PAPSS1: variants seen among roughly 807,000 people sequenced by gnomAD.
PAPSS1 encodes the protein bifunctional 3'-phosphoadenosine 5'-phosphosulfate synthase 1.
Under a neutral mutation model 72.0 loss-of-function variants are expected in PAPSS1, and 50 were observed. That is an observed-to-expected ratio of 0.69 (90% CI 0.55 to 0.88). The LOEUF (loss-of-function observed/expected upper bound fraction) is 0.88. PAPSS1 is among the 40% of genes least tolerant of loss of function. The pLI, the probability that PAPSS1 is intolerant of heterozygous loss-of-function variation, is 0.00. For synonymous variants in PAPSS1, 261 were observed against 263.6 expected (o/e 0.99, Z 0.09); for missense variants, 657 against 782.2 (o/e 0.84, Z 1.91).
intron 10 of PAPSS1, among the ~76,000 whole-genome samples, chr4:107,634,012 T>C (rs1342838070): frequency 1.3e-5 from 2 of 151,992 alleles, no homozygotes; most frequent in South Asian, 2.1e-4. Context: ...ATGTTGTTCA[T>C]TAAATAGTCT....
chr4:107,653,216 G>A (rs1221908920), intron 9 of PAPSS1, among the ~76,000 whole-genome samples: 3 of 151,820 alleles, frequency 2.0e-5, no homozygotes, highest in Non-Finnish European at 2.9e-5. Flanking sequence ...ATATTCTATA[G>A]TTCCATTCAG....
chr4:107,684,945 G>A (rs141388442), intron 4 of PAPSS1, among the ~76,000 whole-genome samples: 2,415 of 151,650 alleles, frequency 0.016, 66 homozygotes, highest in African/African-American at 0.055. Context: ...TCGCTCTGTC[G>A]CCCAGGCTAG....
intron 10 of PAPSS1, among the ~76,000 whole-genome samples, chr4:107,634,839 G>T (rs570328312): frequency 7.8e-6 from 1 of 128,560 alleles, no homozygotes; most frequent in East Asian, 2.2e-4. Context: ...TCGCTGTGTC[G>T]CCCAGGCTGG....
chr4:107,703,917 G>C (rs560886515), intron 1 of PAPSS1, among the ~76,000 whole-genome samples: 99 of 152,234 alleles, frequency 6.5e-4, no homozygotes, highest in African/African-American at 2.3e-3. Flanking sequence ...GGATTGCATT[G>C]AATCTGTAGA....
At chr4:107,632,487 TTATAACATATGCCTAA>T (rs1257739197) in intron 10 of PAPSS1, among the ~76,000 whole-genome samples, 2 of 151,436 alleles carry the variant, frequency 1.3e-5, no homozygotes, top group Non-Finnish European at 2.9e-5. Flanking sequence ...ATAACTAATC[TTATAACATATGCCTAA>T]TACTAGTTAA....
chr4:107,698,026 A>C (rs1723113826), intron 2 of PAPSS1, among the ~76,000 whole-genome samples: 1 of 152,204 alleles, frequency 6.6e-6, no homozygotes, highest in Admixed American at 6.5e-5. Context: ...ACCTCACCAC[A>C]AACTTAATTT....
chr4:107,694,366 TCTA>T (rs1322096136), intron 2 of PAPSS1: 9 of 188,626 alleles, frequency 4.8e-5, no homozygotes, highest in African/African-American at 2.1e-4. Context: ...AATGTTCTTA[TCTA>T]ATATTTCTCT....
chr4:107,676,270 T>C (rs1353104877), intron 5 of PAPSS1, among the ~76,000 whole-genome samples: 3 of 152,196 alleles, frequency 2.0e-5, no homozygotes, highest in Non-Finnish European at 2.9e-5. Context: ...GACATGATTG[T>C]ATATCTAGAA....
intron 5 of PAPSS1, among the ~76,000 whole-genome samples, chr4:107,665,350 GA>G (rs1297458999): frequency 6.6e-6 from 1 of 152,154 alleles, no homozygotes; most frequent in Non-Finnish European, 1.5e-5. Context: ...AAGATATCTG[GA>G]CAACAGAAAG....
chr4:107,664,607 C>T (rs1407456136), intron 5 of PAPSS1, among the ~76,000 whole-genome samples: 6 of 151,906 alleles, frequency 3.9e-5, no homozygotes, highest in Non-Finnish European at 7.4e-5. Context: ...TCTGCACTAA[C>T]GAATGTTTCT....
At chr4:107,651,788 C>T (rs993845346) in intron 9 of PAPSS1, among the ~76,000 whole-genome samples, 4 of 152,120 alleles carry the variant, frequency 2.6e-5, no homozygotes, top group Admixed American at 6.5e-5. Context: ...ACAGCCAAAC[C>T]GTATCAACAA....
At chr4:107,668,353 C>T (rs1395882353) in intron 5 of PAPSS1, among the ~76,000 whole-genome samples, 1 of 152,174 alleles carries the variant, frequency 6.6e-6, no homozygotes, top group Admixed American at 6.5e-5. Context: ...AGTAAGAGTT[C>T]AACTGGTAAG....
Position 107,614,025 on chromosome 4 carries a change from A to T in PAPSS1, c.*224T>A, listed in dbSNP as rs1725756491. 1 of 371,976 alleles carries T rather than the reference A, an allele frequency of 2.7e-6. No individual in the cohort carries two copies. Among genetic ancestry groups the T allele is most frequent in the Admixed American group, 4.4e-5 (1 of 22,668 alleles). The allele number at this position is 371,976 out of a possible 1,614,324, so 23.0% of individuals were successfully genotyped here. The stretch of plus-strand genomic sequence containing the variant: ...GACAATTTTAAAATTGTATTGTAGG[A>T]ATATAACTATAATAAGTGGAAAAGA... On this transcript the variant is annotated 3_prime_UTR_variant, in exon 12 of 12. Coordinates refer to ENST00000265174, the MANE Select transcript of PAPSS1 (RefSeq NM_005443.5).
intron 1 of PAPSS1, among the ~76,000 whole-genome samples, chr4:107,713,709 G>A (rs1275531552): frequency 1.3e-5 from 2 of 151,134 alleles, no homozygotes; most frequent in African/African-American, 2.4e-5. Context: ...CGTGAGCCAA[G>A]GTCATACCAC....
intron 1 of PAPSS1, among the ~76,000 whole-genome samples, chr4:107,710,118 T>A (rs1042806062): frequency 6.6e-6 from 1 of 152,184 alleles, no homozygotes; most frequent in East Asian, 1.9e-4. Flanking sequence ...TGAGGAAACA[T>A]GACATTAATG....
chr4:107,692,027 A>G (rs1722936451), intron 3 of PAPSS1, among the ~76,000 whole-genome samples: 1 of 152,154 alleles, frequency 6.6e-6, no homozygotes, highest in Non-Finnish European at 1.5e-5. Context: ...CTTACACCAT[A>G]GGCAAAAATT....
intron 1 of PAPSS1, among the ~76,000 whole-genome samples, chr4:107,710,330 A>G (rs1723457320): frequency 1.3e-5 from 2 of 152,172 alleles, no homozygotes; most frequent in South Asian, 2.1e-4. Flanking sequence ...ATATATATGT[A>G]TATCTGGCTC....
intron 2 of PAPSS1, chr4:107,694,360 T>C (rs2125933814): frequency 5.0e-6 from 1 of 201,064 alleles, no homozygotes; most frequent in Non-Finnish European, 1.0e-5. Flanking sequence ...CTCAGTAATG[T>C]TCTTATCTAA....
chr4:107,694,823 T>C (rs1057321935), intron 2 of PAPSS1, among the ~76,000 whole-genome samples: 2 of 152,214 alleles, frequency 1.3e-5, no homozygotes, highest in Non-Finnish European at 2.9e-5. Context: ...AGTACATTTA[T>C]GCACTATTAC....
Sources: gnomAD v4.1 joint callset for allele counts (sites outside exome capture counted in the v4.1 genomes callset) on GRCh38, gnomAD v4.1.1 for gene constraint, MANE v1.5 for transcripts, NCBI Gene and HGNC (gene_info 2026-07-23, HGNC 2026-07-21) for gene names.